The following PKHD1 variants were observed in gnomAD, a reference collection of about 807,000 sequenced individuals.
PKHD1 encodes PKHD1 ciliary IPT domain containing fibrocystin/polyductin.
PKHD1 carries 291 observed loss-of-function variants against 412.0 expected under a neutral mutation model. That is an observed-to-expected ratio of 0.71 (90% CI 0.64 to 0.78). The LOEUF (loss-of-function observed/expected upper bound fraction) is 0.78, where lower values mean the gene tolerates loss of function less well. Among genes scored for constraint, PKHD1 ranks in the 30% least tolerant of loss-of-function variants. PKHD1 has a pLI of 0.00. For synonymous variants in PKHD1, 1,777 were observed against 1,821.5 expected (o/e 0.98, Z 0.62); for missense variants, 4,825 against 4,950.7 (o/e 0.97, Z 0.76).
intron 1 of PKHD1, among the ~76,000 whole-genome samples, chr6:52,086,527 G>A (rs1164305918): frequency 6.6e-6 from 1 of 151,970 alleles, no homozygotes; most frequent in Admixed American, 6.6e-5. Flanking sequence ...CAAAAACTTT[G>A]CAATAAACTC....
chr6:51,919,537 T>C (rs1784362683), intron 37 of PKHD1, among the ~76,000 whole-genome samples: 1 of 152,226 alleles, frequency 6.6e-6, no homozygotes, highest in African/African-American at 2.4e-5. Flanking sequence ...TGTTGCCTTG[T>C]AATATCGTTT....
chr6:52,049,415 G>A (rs752627510), intron 22 of PKHD1, among the ~76,000 whole-genome samples: 4 of 152,114 alleles, frequency 2.6e-5, no homozygotes, highest in Non-Finnish European at 4.4e-5. Context: ...GTTATGTGGT[G>A]CATGACTGTA....
At chr6:51,923,223 G>A (rs1391377585) in intron 37 of PKHD1, among the ~76,000 whole-genome samples, 1 of 152,234 alleles carries the variant, frequency 6.6e-6, no homozygotes, top group East Asian at 1.9e-4. Context: ...ATAGATAACT[G>A]ACAAACTATA....
chr6:52,082,606 C>T (rs1175358864), intron 3 of PKHD1, 64 bp from the exon 4 acceptor site: 14 of 1,525,814 alleles, frequency 9.2e-6, no homozygotes, highest in Non-Finnish European at 1.3e-5. Flanking sequence ...CAGTGTGAAA[C>T]TGTGCTAAGA....
chr6:51,857,042 G>C (rs552079095), intron 48 of PKHD1, among the ~76,000 whole-genome samples: 3 of 152,154 alleles, frequency 2.0e-5, no homozygotes, highest in Admixed American at 2.0e-4. Flanking sequence ...AGCAATATGT[G>C]AGTATCACAA....
rs1808811998 is a variant in PKHD1, at chr6:52,062,428, A to G, written c.1118+91T>C. 6 of 1,326,812 alleles carry G rather than the reference A, an allele frequency of 4.5e-6. No homozygotes were observed. In the Admixed American group the frequency reaches 8.4e-5, roughly 19 times the overall value. The allele number at this position is 1,326,812 out of a possible 1,614,324, so 82.2% of individuals were successfully genotyped here. A position where few individuals can be genotyped will look rare whatever the true frequency, so the allele number is the denominator to read the frequency against. On this transcript the variant is annotated intron_variant, in intron 14 of 66. Transcript: ENST00000371117. ...ATTGGCTAGTGTTATAAATTCCTGG[A>G]AATCTTGATACCTTCCTTATCTGTC...
At chr6:51,872,534 G>A (rs1219244992) in intron 46 of PKHD1, among the ~76,000 whole-genome samples, 3 of 151,826 alleles carry the variant, frequency 2.0e-5, no homozygotes, top group East Asian at 3.9e-4. Context: ...TCAGCCTCCC[G>A]AGTAGCTGGG....
chr6:51,709,974 C>T (rs908100023), intron 60 of PKHD1, among the ~76,000 whole-genome samples: 1 of 151,508 alleles, frequency 6.6e-6, no homozygotes, highest in Non-Finnish European at 1.5e-5. Flanking sequence ...TTTGGGAGGC[C>T]GAGGAGGGCG....
At chr6:52,082,282 G>A in intron 4 of PKHD1, 110 bp downstream of exon 4, 1 of 1,072,330 alleles carries the variant, frequency 9.3e-7, no homozygotes, top group Non-Finnish European at 1.4e-6. Context: ...TAACAACTAT[G>A]GCTGGCAATT....
rs567663706 is a variant in PKHD1 at position 51,815,664 on chromosome 6, T to G, written c.8302+15197A>C. 2.6e-5 allele frequency among the ~76,000 whole-genome samples: 4 copies of G among 152,166 alleles called. No homozygotes were observed. In the East Asian group the frequency reaches 7.7e-4, roughly 29 times the overall value. Reference sequence around the variant, plus strand: ...CAAAGGGCTCTGCAGTCCAAACAAATACGTTTGAAATCGACTCTGAAAGCT... The same window carrying G: ...CAAAGGGCTCTGCAGTCCAAACAAAGACGTTTGAAATCGACTCTGAAAGCT... On this transcript the variant is annotated intron_variant, in intron 52 of 66. Transcript: ENST00000371117.
chr6:51,642,694 G>T lies in PKHD1; in HGVS notation c.11399-3738C>A, dbSNP rs528641100. Among the ~76,000 whole-genome samples, 250 of 152,208 alleles carry T rather than the reference G, an allele frequency of 1.6e-3. 1 individual carries two copies. Among genetic ancestry groups the T allele is most frequent in the African/African-American group, 5.8e-3 (239 of 41,528 alleles). On this transcript the variant is annotated intron_variant, in intron 63 of 66. Transcript: ENST00000371117. ...GTCTTTACTAAAAATAGAAAAATTA[G>T]CCAGGTGTGGTGGTGGGCACCTGTA...
At chr6:51,723,345 C>T (rs532905744) in intron 60 of PKHD1, among the ~76,000 whole-genome samples, 1 of 152,270 alleles carries the variant, frequency 6.6e-6, no homozygotes, top group African/African-American at 2.4e-5. Flanking sequence ...TTAACACAAA[C>T]AGAGAAAACC....
intron 36 of PKHD1, among the ~76,000 whole-genome samples, chr6:51,954,828 A>C (rs1176715368): frequency 6.6e-6 from 1 of 152,028 alleles, no homozygotes; most frequent in Non-Finnish European, 1.5e-5. Context: ...CCCTTTCATT[A>C]ATCATTATCG....
chr6:51,688,821 A>G (rs1777784231), intron 60 of PKHD1, among the ~76,000 whole-genome samples: 1 of 152,192 alleles, frequency 6.6e-6, no homozygotes. Flanking sequence ...ATCCCTGAGC[A>G]GACCAATAAC....
chr6:51,674,718 C>G (rs115188269), intron 60 of PKHD1, among the ~76,000 whole-genome samples: 1,843 of 152,272 alleles, frequency 0.012, 43 homozygotes, highest in African/African-American at 0.042. Context: ...GCTGTAATAA[C>G]TAGAAGTTCT....
chr6:51,911,954 T>C lies in PKHD1; in HGVS notation c.6335A>G (p.Tyr2112Cys), dbSNP rs1197586759. The C allele has an allele frequency of 1.9e-6, 3 of 1,609,248 alleles. No homozygotes were observed. Among genetic ancestry groups the C allele is most frequent in the African/African-American group, 1.4e-5 (1 of 73,902 alleles). ...CCAATTCTCTGTAAAGTTGTGAGAA[T>C]ATCTGGAGAAAAAAAGAGGATGATA... is the stretch of plus-strand genomic sequence containing the variant. ...TDLYLKSPLR[Y>C]SHNFTENWVA... The change falls in exon 39 of 67, where the codon TAT (tyrosine) becomes TGT (cysteine). Residue 2112 changes from tyrosine (Y) to cysteine (C), a missense_variant and splice_region_variant. Coordinates refer to ENST00000371117, the MANE Select transcript of PKHD1 (RefSeq NM_138694.4).
chr6:51,896,857 C>T (rs1345911074), intron 43 of PKHD1, among the ~76,000 whole-genome samples: 3 of 151,724 alleles, frequency 2.0e-5, no homozygotes, highest in African/African-American at 4.9e-5. Flanking sequence ...TCGAGAACTA[C>T]GTGAAGAATG....
intron 35 of PKHD1, among the ~76,000 whole-genome samples, chr6:51,990,913 T>G (rs1796973418): frequency 6.6e-6 from 1 of 152,226 alleles, no homozygotes; most frequent in African/African-American, 2.4e-5. Context: ...AAGCATCCGT[T>G]TCCTTATCTG....
At chr6:52,061,561 A>C (rs543018817) in intron 14 of PKHD1, among the ~76,000 whole-genome samples, 3 of 152,146 alleles carry the variant, frequency 2.0e-5, no homozygotes, top group South Asian at 4.2e-4. Context: ...TACCAACCCT[A>C]CTTGGCTTAT....
Sources: allele counts gnomAD v4.1 joint callset (sites outside exome capture counted in the v4.1 genomes callset), GRCh38; gene constraint gnomAD v4.1.1; transcripts MANE v1.5; gene names NCBI Gene and HGNC (gene_info 2026-07-23, HGNC 2026-07-21).